PTPRD: variants seen among roughly 807,000 people sequenced by gnomAD.
PTPRD encodes receptor-type tyrosine-protein phosphatase delta.
PTPRD carries 34 observed loss-of-function variants against 214.5 expected under a neutral mutation model. That is an observed-to-expected ratio of 0.16 (90% confidence interval 0.12 to 0.21). The LOEUF (loss-of-function observed/expected upper bound fraction) is 0.21, where lower values mean the gene tolerates loss of function less well. PTPRD is among the 10% of genes least tolerant of loss of function. The pLI is 1.00. For synonymous variants in PTPRD, 1,128 were observed against 845.7 expected, an observed-to-expected ratio of 1.33 and a Z score of -5.79; for missense variants, 2,545 against 2,398.7, an observed-to-expected ratio of 1.06 and a Z score of -1.27.
At chr9:8,670,290 C>T (rs1371150097) in intron 12 of PTPRD, among the ~76,000 whole-genome samples, 1 of 152,070 alleles carries the variant, frequency 6.6e-6, no homozygotes, top group East Asian at 1.9e-4. Flanking sequence ...ATCCTCTTGA[C>T]CTATATCTCC....
rs527509122 is a variant in PTPRD, at chr9:10,221,020, G to A, written c.-545+119943C>T. On this transcript the variant is annotated intron_variant, in intron 3 of 45. Transcript: ENST00000381196. ...CTGTGAACAGCAGGAAGAATCCCCC[G>A]AGGAAGAAAAGTTTTACTAGTGGTT... 5.9e-5 allele frequency among the ~76,000 whole-genome samples: 9 copies of A among 151,996 alleles called. No individual in the cohort carries two copies. In the South Asian group the frequency reaches 1.2e-3, roughly 21 times the overall value.
chr9:10,289,496 T>C (rs1293314644), intron 3 of PTPRD, among the ~76,000 whole-genome samples: 1 of 152,112 alleles, frequency 6.6e-6, no homozygotes, highest in Non-Finnish European at 1.5e-5. Context: ...ACAATCACTA[T>C]GACGAGAAAT....
intron 4 of PTPRD, among the ~76,000 whole-genome samples, chr9:9,963,610 GCAGT>G (rs1284827579): frequency 6.6e-6 from 1 of 152,110 alleles, no homozygotes; most frequent in African/African-American, 2.4e-5. Flanking sequence ...CATAAAATAT[GCAGT>G]CAAACAACAA....
intron 2 of PTPRD, among the ~76,000 whole-genome samples, chr9:10,509,580 T>TATA (rs1491395020): frequency 3.0e-5 from 4 of 135,116 alleles, no homozygotes; most frequent in East Asian, 4.5e-4. Context: ...TATATATATA[T>TATA]TTTACTCACT....
intron 10 of PTPRD, among the ~76,000 whole-genome samples, chr9:9,163,398 C>T (rs1056241171): frequency 9.9e-5 from 15 of 151,918 alleles, no homozygotes; most frequent in Admixed American, 7.2e-4. Context: ...TCAGAAATTC[C>T]ACTACCATCT....
chr9:9,075,601 C>T (rs1358054504), intron 10 of PTPRD, among the ~76,000 whole-genome samples: 1 of 152,052 alleles, frequency 6.6e-6, no homozygotes, highest in South Asian at 2.1e-4. Context: ...TGATGTTCCC[C>T]ACTCTGTGTC....
chr9:9,970,304 G>C (rs1356285204), intron 4 of PTPRD, among the ~76,000 whole-genome samples: 1 of 151,672 alleles, frequency 6.6e-6, no homozygotes, highest in East Asian at 1.9e-4. Flanking sequence ...CAAAACATTA[G>C]CCGGGCGTGG....
At chr9:9,578,768 T>C (rs995838856) in intron 7 of PTPRD, among the ~76,000 whole-genome samples, 1 of 152,090 alleles carries the variant, frequency 6.6e-6, no homozygotes, top group Non-Finnish European at 1.5e-5. Context: ...AACAATTGCC[T>C]GAATAAACTA....
chr9:10,139,911 T>C (rs2154266001), intron 3 of PTPRD, among the ~76,000 whole-genome samples: 1 of 152,194 alleles, frequency 6.6e-6, no homozygotes. Context: ...ATGACTTAAA[T>C]GAAAGAACTA....
intron 35 of PTPRD, among the ~76,000 whole-genome samples, chr9:8,431,495 C>T (rs879551491): frequency 6.6e-6 from 1 of 152,094 alleles, no homozygotes; most frequent in Non-Finnish European, 1.5e-5. Context: ...TTTCTAGGGG[C>T]TGCAGTTGCT....
At chr9:9,937,876 C>A (rs1488303207) in intron 5 of PTPRD, among the ~76,000 whole-genome samples, 5 of 152,114 alleles carry the variant, frequency 3.3e-5, no homozygotes, top group Non-Finnish European at 7.4e-5. Context: ...ACCAAAGTTT[C>A]ATATTAATGT....
At chr9:8,934,508 T>TATATATATATAA (rs1567101686) in intron 11 of PTPRD, among the ~76,000 whole-genome samples, 1 of 56,792 alleles carries the variant, frequency 1.8e-5, no homozygotes, top group Non-Finnish European at 2.9e-5. Context: ...TATATATAAA[T>TATATATATATAA]ATATATATAT....
intron 44 of PTPRD, among the ~76,000 whole-genome samples, chr9:8,322,473 A>C (rs1383658017): frequency 6.6e-6 from 1 of 152,194 alleles, no homozygotes; most frequent in Non-Finnish European, 1.5e-5. Flanking sequence ...CCTGCATAGA[A>C]GATCAAATCA....
chr9:9,230,112 G>T (rs10977593), intron 9 of PTPRD, among the ~76,000 whole-genome samples: 16,072 of 152,096 alleles, frequency 0.11, 1,086 homozygotes, highest in Middle Eastern at 0.14. Flanking sequence ...ACTGATAGGA[G>T]TGTATTTTGT....
At chr9:10,221,856 A>G (rs2099572331) in intron 3 of PTPRD, among the ~76,000 whole-genome samples, 1 of 151,962 alleles carries the variant, frequency 6.6e-6, no homozygotes, top group Admixed American at 6.6e-5. Context: ...GCAAACATTG[A>G]GTAGTAGACC....
rs141785332 is a variant in PTPRD, at chr9:8,840,189, A to G, written c.-103-106243T>C. Among the ~76,000 whole-genome samples, 583 of 152,318 alleles carry G rather than the reference A, an allele frequency of 3.8e-3. 3 individuals are homozygous for G. Among genetic ancestry groups the G allele is most frequent in the African/African-American group, 0.013 (543 of 41,572 alleles). ...GAACTACCTTTGGTTTAAATTTGAT[A>G]TGGTTTGGCTATGTCCCCACCCAAA... On this transcript the variant is annotated intron_variant, in intron 11 of 45. Coordinates refer to ENST00000381196, the MANE Select transcript of PTPRD (RefSeq NM_002839.4).
chr9:8,497,880 T>C (rs1482166515), intron 25 of PTPRD, among the ~76,000 whole-genome samples: 2 of 152,220 alleles, frequency 1.3e-5, no homozygotes, highest in Admixed American at 6.5e-5. Flanking sequence ...AGTTCTGTAA[T>C]GTAAAATATC....
At chr9:8,501,577 A>G (rs2097408489) in intron 23 of PTPRD, among the ~76,000 whole-genome samples, 1 of 152,230 alleles carries the variant, frequency 6.6e-6, no homozygotes, top group Admixed American at 6.5e-5. Flanking sequence ...ATAACTGCTA[A>G]TGCCCTTCTA....
intron 5 of PTPRD, among the ~76,000 whole-genome samples, chr9:9,933,542 T>C (rs1364051117): frequency 1.3e-5 from 2 of 151,718 alleles, no homozygotes; most frequent in Non-Finnish European, 2.9e-5. Flanking sequence ...CCTAAATATA[T>C]ATACACCCAA....
Sources: allele counts gnomAD v4.1 joint callset (sites outside exome capture counted in the v4.1 genomes callset), GRCh38; gene constraint gnomAD v4.1.1; transcripts MANE v1.5; gene names NCBI Gene and HGNC (gene_info 2026-07-23, HGNC 2026-07-21).